The following SRP14 variants were observed in gnomAD, a reference collection of about 807,000 sequenced individuals.
The protein encoded by SRP14 is signal recognition particle 14, also known as signal recognition particle 14 kDa protein.
A neutral mutation model predicts 16.0 loss-of-function variants in SRP14; 1 was observed. The ratio of observed to expected loss-of-function variants is 0.06; its 90% CI spans 0.02 to 0.30. SRP14 has a LOEUF of 0.30. Ranked by LOEUF, SRP14 falls within the 10% of genes least tolerant of loss-of-function variation. The pLI is 1.00. For missense variants in SRP14, 120 were observed against 163.1 expected (o/e 0.74, Z 1.44); for synonymous variants, 67 against 60.1 (o/e 1.12, Z -0.53).
intron 2 of SRP14, 74 bp downstream of exon 2, chr15:40,038,802 G>T: frequency 6.5e-7 from 1 of 1,529,866 alleles, no homozygotes. Flanking sequence ...GGCGGTCCGC[G>T]GCAGACAGAC....
At chr15:40,037,168 G>T in intron 3 of SRP14, 150 bp from the exon 4 acceptor site, 2 of 1,235,628 alleles carry the variant, frequency 1.6e-6, no homozygotes, top group Non-Finnish European at 2.2e-6. Flanking sequence ...TACACGAATG[G>T]TTATTTTTCT....
intron 2 of SRP14, 184 bp downstream of exon 2, chr15:40,038,692 G>A (rs2035670030): frequency 1.5e-6 from 1 of 654,660 alleles, no homozygotes; most frequent in Non-Finnish European, 2.6e-6. Context: ...CAACCTAGGC[G>A]GCTCAGTGCT....
Position 40,037,030 on chromosome 15 carries a change from G to C in SRP14, c.211-12C>G. ...TCCTTGGAGCTCACCTGAAAAAGAAGGAAAAAAGAGGTCATACCTATTATC... is the reference window on the plus strand; with the variant it reads ...TCCTTGGAGCTCACCTGAAAAAGAACGAAAAAAGAGGTCATACCTATTATC... On this transcript the variant is annotated splice_polypyrimidine_tract_variant and intron_variant, in intron 3 of 4. Coordinates refer to ENST00000267884, the MANE Select transcript of SRP14 (RefSeq NM_003134.6). 6.2e-7 allele frequency: 1 copy of C among 1,606,220 alleles called. No individual in the cohort carries two copies. Among genetic ancestry groups the C allele is most frequent in the Non-Finnish European group, 8.5e-7 (1 of 1,177,652 alleles).
chr15:40,036,754 C>G, intron 4 of SRP14: 1 of 634,158 alleles, frequency 1.6e-6, no homozygotes, highest in Non-Finnish European at 2.7e-6. Context: ...TCTTGTTCAA[C>G]TATAGTATAG....
Position 40,039,100 on chromosome 15 carries a change from C to T in SRP14, c.17G>A (p.Ser6Asn). 2 of 1,612,792 alleles carry T rather than the reference C, an allele frequency of 1.2e-6. No individual in the cohort carries two copies. The highest frequency in any genetic ancestry group is 1.7e-6 in the Non-Finnish European group (2 of 1,179,700). MVLLE[S>N]EQFLTELTRL... ...GGCCAGGCCTAGCCATACCTGCTCGCTCTCCAACAACACCATCGCGGCGAC... is the reference window on the plus strand; with the variant it reads ...GGCCAGGCCTAGCCATACCTGCTCGTTCTCCAACAACACCATCGCGGCGAC... Residue 6 changes from serine to asparagine, a missense_variant, in exon 1 of 5, where the codon AGC (serine) becomes AAC (asparagine). This residue lies in a region of SRP14 where 33 missense variants were observed against 33.0 expected (regional missense o/e 1.00). Transcript: ENST00000267884.
rs764454670 is a variant in SRP14, at chr15:40,039,157, G to A, written c.-41C>T. ...TCGACTCCCTCCGCTTAAGCCCCTA[G>A]CAGTGAGAGCCGGAAGTTCGGCCTA... On this transcript the variant is annotated 5_prime_UTR_variant, in exon 1 of 5. Coordinates refer to ENST00000267884, the MANE Select transcript of SRP14 (RefSeq NM_003134.6). 6 of 1,598,290 alleles carry A rather than the reference G, an allele frequency of 3.8e-6. No homozygotes were observed. The highest frequency in any genetic ancestry group is 3.3e-4 in the Middle Eastern group (2 of 6,018).
chr15:40,038,502 C>G lies in SRP14; in HGVS notation c.98-108G>C, dbSNP rs2035666609. 1.5e-5 allele frequency: 11 copies of G among 743,468 alleles called. No individual in the cohort carries two copies. The East Asian group carries it at 2.8e-4, about 19-fold the overall frequency. 46.1% of individuals were successfully genotyped at this position (743,468 alleles called of 1,614,324 possible). The stretch of plus-strand genomic sequence containing the variant: ...TAAGTGATGACCTAACCCAGCCCCG[C>G]TGCTCTAGTTTTGTTAAACACCTCA... On this transcript the variant is annotated intron_variant, in intron 2 of 4. Coordinates refer to ENST00000267884, the MANE Select transcript of SRP14 (RefSeq NM_003134.6).
Position 40,038,907 on chromosome 15 carries a change from C to G in SRP14, c.66G>C (p.Thr22=), listed in dbSNP as rs745642753. Residue 22 remains threonine (T), a synonymous_variant, in exon 2 of 5, where the codon ACG becomes ACC. Coordinates refer to ENST00000267884, the MANE Select transcript of SRP14 (RefSeq NM_003134.6). The stretch of plus-strand genomic sequence containing the variant: ...TCAAGGTGATATAGACGCTGCCCGA[C>G]GTCCGGCACTTCTGGAAAAGTCTGG... ...ELTRLFQKCR[T]SGSVYITLKK... The G allele has an allele frequency of 1.9e-6, 3 of 1,613,770 alleles. No homozygotes were observed. Among genetic ancestry groups the G allele is most frequent in the Non-Finnish European group, 2.5e-6 (3 of 1,179,892 alleles).
Position 40,039,165 on chromosome 15 carries a change from A to G in SRP14, c.-49T>C. On this transcript the variant is annotated 5_prime_UTR_variant, in exon 1 of 5. Coordinates refer to ENST00000267884, the MANE Select transcript of SRP14 (RefSeq NM_003134.6). ...CTCCGCTTAAGCCCCTAGCAGTGAGAGCCGGAAGTTCGGCCTAGGCTGGGC... is the reference window on the plus strand; with the variant it reads ...CTCCGCTTAAGCCCCTAGCAGTGAGGGCCGGAAGTTCGGCCTAGGCTGGGC... The G allele has an allele frequency of 6.3e-7, 1 of 1,593,300 alleles. No homozygotes were observed. The highest frequency in any genetic ancestry group is 8.5e-7 in the Non-Finnish European group (1 of 1,172,440).
intron 2 of SRP14, chr15:40,038,614 C>G (rs1669229400): frequency 1.6e-6 from 1 of 608,250 alleles, no homozygotes; most frequent in East Asian, 2.7e-5. Context: ...AAATTCCACT[C>G]AAAGTGGCGG....
At chr15:40,038,100 C>T (rs948373824) in intron 3 of SRP14, among the ~76,000 whole-genome samples, 182 bp downstream of exon 3, 1 of 152,190 alleles carries the variant, frequency 6.6e-6, no homozygotes, top group Non-Finnish European at 1.5e-5. Context: ...GACTGTCTGA[C>T]CTCTACCTTC....
chr15:40,036,666 T>C, intron 4 of SRP14, 166 bp from the exon 5 acceptor site: 1 of 750,934 alleles, frequency 1.3e-6, no homozygotes, highest in East Asian at 2.5e-5. Context: ...TCTTTCACAT[T>C]ATAGCAGCTT....
At chr15:40,038,977 G>A (rs1253611503) in intron 1 of SRP14, 29 bp from the exon 2 acceptor site, 1 of 1,607,524 alleles carries the variant, frequency 6.2e-7, no homozygotes, top group South Asian at 1.1e-5. Context: ...AGCCCCGTTA[G>A]CCAGCCCCAA....
At chr15:40,037,989 G>C (rs2035656702) in intron 3 of SRP14, among the ~76,000 whole-genome samples, 1 of 152,166 alleles carries the variant, frequency 6.6e-6, no homozygotes, top group Non-Finnish European at 1.5e-5. Flanking sequence ...GCACAGTAAG[G>C]GGCTAAGGAA....
chr15:40,038,866 C>G lies in SRP14; in HGVS notation c.97+10G>C. 6.2e-7 allele frequency: 1 copy of G among 1,613,518 alleles called. No individual in the cohort carries two copies. Among genetic ancestry groups the G allele is most frequent in the South Asian group, 1.1e-5 (1 of 91,024 alleles). On this transcript the variant is annotated intron_variant, in intron 2 of 4. Coordinates refer to ENST00000267884, the MANE Select transcript of SRP14 (RefSeq NM_003134.6). ...AGGGAGCATCGCCCGGCTCCCCTCC[C>G]GCTGCTTACACTTCTTCAAGGTGAT...
At chr15:40,037,143 C>G (rs2035637629) in intron 3 of SRP14, 125 bp from the exon 4 acceptor site, 2 of 1,286,180 alleles carry the variant, frequency 1.6e-6, no homozygotes, top group Non-Finnish European at 2.1e-6. Context: ...TTCTCCCCAA[C>G]TTCAGGGTTC....
rs1197467212 is a variant in SRP14, at chr15:40,038,263, C to A, written c.210+19G>T. On this transcript the variant is annotated intron_variant, in intron 3 of 4. Coordinates refer to ENST00000267884, the MANE Select transcript of SRP14 (RefSeq NM_003134.6). ...CAAGTCTTTACATTTCAAAAGACAG[C>A]CTTAGAAATTAAGCTCACCACAGTG... 6.4e-7 allele frequency: 1 copy of A among 1,565,720 alleles called. No homozygotes were observed. The highest frequency in any genetic ancestry group is 8.8e-7 in the Non-Finnish European group (1 of 1,136,358).
chr15:40,038,117 T>C (rs909791395), intron 3 of SRP14, among the ~76,000 whole-genome samples, 165 bp downstream of exon 3: 4 of 152,260 alleles, frequency 2.6e-5, no homozygotes, highest in Non-Finnish European at 5.9e-5. Flanking sequence ...CTTCTTATTT[T>C]ATTCTTGAGG....
At chr15:40,038,712 G>A (rs2035670526) in intron 2 of SRP14, 164 bp downstream of exon 2, 1 of 738,280 alleles carries the variant, frequency 1.4e-6, no homozygotes, top group East Asian at 2.7e-5. Context: ...TGGGGACTGA[G>A]CCAGCTACAA....
Sources: gnomAD v4.1 joint callset for allele counts (sites outside exome capture counted in the v4.1 genomes callset) on GRCh38, gnomAD v4.1.1 for gene constraint, gnomAD v4.1.1 regional missense constraint, MANE v1.5 for transcripts, NCBI Gene and HGNC (gene_info 2026-07-23, HGNC 2026-07-21) for gene names.